ZNF227: variants seen among roughly 807,000 people sequenced by gnomAD.
ZNF227 encodes the protein zinc finger protein 227.
ZNF227 carries 12 observed loss-of-function variants against 13.2 expected under a neutral mutation model. That is an observed-to-expected ratio of 0.91 (90% CI 0.58 to 1.47). ZNF227 has a LOEUF of 1.47. Among genes scored for constraint, ZNF227 ranks in the 40% most tolerant of loss-of-function variants. The probability of loss-of-function intolerance (pLI) is 0.00; values close to 1 mark genes in which losing one functional copy is unlikely to be tolerated. For missense variants in ZNF227, 885 were observed against 967.5 expected, an observed-to-expected ratio of 0.91 and a Z score of 1.13; for synonymous variants, 338 against 326.0, an observed-to-expected ratio of 1.04 and a Z score of -0.40.
chr19:44,212,444 A>T (rs1421005714), upstream of ZNF227: 1 of 141,784 alleles, frequency 7.1e-6, no homozygotes, highest in Non-Finnish European at 1.5e-5. Flanking sequence ...AAGTTCTGGG[A>T]AACGTATTCC....
chr19:44,235,606 T>G lies in ZNF227; in HGVS notation c.1176T>G (p.Ser392Arg), dbSNP rs1974372299. Residue 392 changes from serine (S) to arginine (R), a missense_variant, in exon 6 of 6, where the codon AGT becomes AGG. Transcript: ENST00000313040. Reference protein sequence around the residue: ...CEECGKGFGWSVNLRVHQRVH... With the variant: ...CEECGKGFGWRVNLRVHQRVH... ...AGTGTGGTAAGGGCTTCGGTTGGAGTGTTAATCTCCGTGTTCACCAGAGGG... is the reference window on the plus strand; with the variant it reads ...AGTGTGGTAAGGGCTTCGGTTGGAGGGTTAATCTCCGTGTTCACCAGAGGG... The G allele has an allele frequency of 6.2e-7, 1 of 1,613,458 alleles. No homozygotes were observed. The highest frequency in any genetic ancestry group is 1.7e-5 in the Admixed American group (1 of 59,952).
Position 44,236,785 on chromosome 19 carries a change from A to G in ZNF227, c.2355A>G (p.Ser785=), listed in dbSNP as rs746443459. Residue 785 remains serine (S), a synonymous_variant, in exon 6 of 6, where the codon TCA becomes TCG. Coordinates refer to ENST00000313040, the MANE Select transcript of ZNF227 (RefSeq NM_182490.3). Reference sequence around the variant, plus strand: ...GTGATAAGGACTTCCGTCACCGTTCACGTCTTACATATCATCAGAAAGTCC... The same window carrying G: ...GTGATAAGGACTTCCGTCACCGTTCGCGTCTTACATATCATCAGAAAGTCC... ...DICDKDFRHR[S]RLTYHQKVHT... 22 of 1,605,022 alleles carry G rather than the reference A, an allele frequency of 1.4e-5. No homozygotes were observed. Among genetic ancestry groups the G allele is most frequent in the Non-Finnish European group, 1.8e-5 (21 of 1,175,818 alleles).
intron 3 of ZNF227, among the ~76,000 whole-genome samples, chr19:44,225,263 G>A (rs1481278850): frequency 8.6e-4 from 130 of 151,588 alleles, no homozygotes; most frequent in Non-Finnish European, 1.1e-3. Flanking sequence ...TGCTCTTCTC[G>A]AGGAGTATCT....
At chr19:44,234,089 T>A (rs990041459) in intron 5 of ZNF227, among the ~76,000 whole-genome samples, 3 of 152,216 alleles carry the variant, frequency 2.0e-5, no homozygotes, top group Non-Finnish European at 4.4e-5. Context: ...TCTTCTGTGT[T>A]GGCTTTGAGA....
rs769536822 is a variant in ZNF227 at position 44,236,576 on chromosome 19, C to CAT, written c.2151_2152dup (p.Cys718TyrfsTer103). ...GAGGGTCCACACGGGAGAGAAACCC[C>CAT]ATATATGTGAGGAGTGTGGTAAGGC... On this transcript the variant is annotated frameshift_variant, in exon 6 of 6. Coordinates refer to ENST00000313040, the MANE Select transcript of ZNF227 (RefSeq NM_182490.3). LOFTEE classifies it low-confidence loss of function (END_TRUNC). The CAT allele has an allele frequency of 3.2e-5, 51 of 1,613,444 alleles. 1 individual carries two copies. Among genetic ancestry groups the CAT allele is most frequent in the Non-Finnish European group, 4.2e-5 (50 of 1,179,898 alleles).
chr19:44,219,862 G>A lies in ZNF227; in HGVS notation c.60+2010G>A, dbSNP rs1030157258. Reference sequence around the variant, plus strand: ...TGTTACATATGTATACATGTGCCATGTTGGTGTGCTGCACCCATTAACTCG... The same window carrying A: ...TGTTACATATGTATACATGTGCCATATTGGTGTGCTGCACCCATTAACTCG... On this transcript the variant is annotated intron_variant, in intron 3 of 5. Coordinates refer to ENST00000313040, the MANE Select transcript of ZNF227 (RefSeq NM_182490.3). 2.0e-4 allele frequency among the ~76,000 whole-genome samples: 31 copies of A among 151,850 alleles called. No homozygotes were observed. The East Asian group carries it at 6.0e-3, about 30-fold the overall frequency.
Position 44,235,888 on chromosome 19 carries a change from C to A in ZNF227, c.1458C>A (p.His486Gln), listed in dbSNP as rs117722170. The A allele has an allele frequency of 6.2e-7, 1 of 1,614,062 alleles. No individual in the cohort carries two copies. Among genetic ancestry groups the A allele is most frequent in the Non-Finnish European group, 8.5e-7 (1 of 1,180,018 alleles). The change falls in exon 6 of 6, where the codon CAC becomes CAA. Residue 486 changes from histidine to glutamine, a missense_variant. Physicochemically the swap from His to Gln is conservative, Grantham distance 24. Transcript: ENST00000313040. ...ATCTGCATATTCATTTCAGAGTTCA[C>A]ACGGGAGAGAAACCCTATAAATGTA... ...NTDLHIHFRV[H>Q]TGEKPYKCKE...
At chr19:44,217,115 A>G (rs1041824879) in intron 2 of ZNF227, among the ~76,000 whole-genome samples, 6 of 151,818 alleles carry the variant, frequency 4.0e-5, no homozygotes, top group Non-Finnish European at 7.4e-5. Flanking sequence ...GACCCGCACC[A>G]CCACGCCTGG....
rs752533863 is a variant in ZNF227, at chr19:44,235,834, G to A, written c.1404G>A (p.Ala468=). ...GAGAGAAGCCATACAAGTGTGAGGCGTGTGGGAAAGGCTTTACCCGTAATA... is the reference window on the plus strand; with the variant it reads ...GAGAGAAGCCATACAAGTGTGAGGCATGTGGGAAAGGCTTTACCCGTAATA... ...HTGEKPYKCE[A]CGKGFTRNTD... The change falls in exon 6 of 6, where the codon GCG becomes GCA. Residue 468 remains alanine, a synonymous_variant. Coordinates refer to ENST00000313040, the MANE Select transcript of ZNF227 (RefSeq NM_182490.3). The A allele has an allele frequency of 8.7e-6, 14 of 1,613,654 alleles. No individual in the cohort carries two copies. The highest frequency in any genetic ancestry group is 1.6e-4 in the Middle Eastern group (1 of 6,078).
chr19:44,231,064 C>CCA, intron 5 of ZNF227, among the ~76,000 whole-genome samples: 1 of 150,100 alleles, frequency 6.7e-6, no homozygotes, highest in Admixed American at 6.7e-5. Context: ...ACCTTGTCTC[C>CCA]CACACACACA....
intron 3 of ZNF227, among the ~76,000 whole-genome samples, chr19:44,227,859 G>A (rs760427301): frequency 2.6e-5 from 4 of 152,222 alleles, no homozygotes; most frequent in Non-Finnish European, 5.9e-5. Context: ...GATGTGACAT[G>A]TGCCTTGAAA....
At chr19:44,221,188 G>A (rs1439110172) in intron 3 of ZNF227, among the ~76,000 whole-genome samples, 1 of 152,058 alleles carries the variant, frequency 6.6e-6, no homozygotes, top group Non-Finnish European at 1.5e-5. Flanking sequence ...CATAAAAAAT[G>A]ATGAGTTCAT....
chr19:44,217,350 A>T, intron 2 of ZNF227: 1 of 446,952 alleles, frequency 2.2e-6, no homozygotes, highest in Non-Finnish European at 4.5e-6. Flanking sequence ...CCATCTACTT[A>T]TTTAATCCTT....
At chr19:44,213,684 C>T (rs1016148169) in intron 2 of ZNF227, 10 of 152,082 alleles carry the variant, frequency 6.6e-5, no homozygotes, top group African/African-American at 2.2e-4. Context: ...ATGATACAGT[C>T]GTCTTCAGTT....
chr19:44,234,063 C>T (rs1036682010), intron 5 of ZNF227, among the ~76,000 whole-genome samples: 34 of 152,126 alleles, frequency 2.2e-4, no homozygotes, highest in African/African-American at 8.2e-4. Context: ...GCTGAACATA[C>T]CTCTCCCTCT....
At chr19:44,219,289 A>G (rs1303289795) in intron 3 of ZNF227, among the ~76,000 whole-genome samples, 1 of 152,200 alleles carries the variant, frequency 6.6e-6, no homozygotes, top group African/African-American at 2.4e-5. Context: ...CATTCCATGA[A>G]CGTAGATGCT....
At chr19:44,232,641 T>G (rs1330364239) in intron 5 of ZNF227, among the ~76,000 whole-genome samples, 3 of 152,132 alleles carry the variant, frequency 2.0e-5, no homozygotes, top group Non-Finnish European at 4.4e-5. Flanking sequence ...GAGCTTTCAT[T>G]TAATCATATC....
In ZNF227 at chr19:44,235,664, G is replaced by A. The variant is rs1974381590; in HGVS notation, c.1234G>A (p.Glu412Lys). 1 of 1,613,894 alleles carries A rather than the reference G, an allele frequency of 6.2e-7. No homozygotes were observed. The highest frequency in any genetic ancestry group is 1.3e-5 in the African/African-American group (1 of 74,854). Residue 412 changes from glutamate (E) to lysine (K), a missense_variant, in exon 6 of 6, where the codon GAA becomes AAA. Coordinates refer to ENST00000313040, the MANE Select transcript of ZNF227 (RefSeq NM_182490.3). Reference sequence around the variant, plus strand: ...GGGTGAGAAGCCCTATAAATGTGAGGAATGTGGTAAGGGCTTCACTCAGGC... The same window carrying A: ...GGGTGAGAAGCCCTATAAATGTGAGAAATGTGGTAAGGGCTTCACTCAGGC... The part of the protein sequence containing the change: ...HRGEKPYKCE[E>K]CGKGFTQAAH...
chr19:44,231,197 C>A (rs1218290712), intron 5 of ZNF227, among the ~76,000 whole-genome samples: 1 of 151,852 alleles, frequency 6.6e-6, no homozygotes, highest in African/African-American at 2.4e-5. Flanking sequence ...TCACTGCAAC[C>A]TCTGCCTCCC....
Sources: allele counts gnomAD v4.1 joint callset (sites outside exome capture counted in the v4.1 genomes callset), GRCh38; gene constraint gnomAD v4.1.1; transcripts MANE v1.5; gene names NCBI Gene and HGNC (gene_info 2026-07-23, HGNC 2026-07-21).